Variants in NEXMIF observed in about 807,000 individuals in gnomAD.
NEXMIF encodes the protein neurite extension and migration factor, also known as XLMR protein related to neurite extension.
Under a neutral mutation model 62.1 loss-of-function variants are expected in NEXMIF, and 8 were observed. That is an observed-to-expected ratio of 0.13 (90% CI 0.08 to 0.23). NEXMIF has a LOEUF of 0.23. Among genes scored for constraint, NEXMIF ranks in the 10% least tolerant of loss-of-function variants. The pLI is 1.00. For missense variants in NEXMIF, 976 were observed against 1,113.3 expected (o/e 0.88, Z 1.75); for synonymous variants, 404 against 416.6 (o/e 0.97, Z 0.37).
chrX:74,892,117 T>C (rs1317685447), intron 1 of NEXMIF, among the ~76,000 whole-genome samples: 1 of 112,610 alleles, frequency 8.9e-6, no homozygotes, highest in Non-Finnish European at 1.9e-5. Context: ...AAAGCCTAAT[T>C]AGTTCTGTAA....
intron 1 of NEXMIF, 21 bp from the exon 2 acceptor site, chrX:74,745,718 A>G: frequency 1.5e-6 from 1 of 664,095 alleles, no homozygotes; most frequent in South Asian, 2.5e-5. Context: ...CAAATATATA[A>G]TATCAGTCAT....
intron 1 of NEXMIF, among the ~76,000 whole-genome samples, chrX:74,761,337 G>A (rs927104613): frequency 1.8e-5 from 2 of 111,545 alleles, no homozygotes; most frequent in African/African-American, 6.5e-5. Flanking sequence ...GCTGTGAATC[G>A]ACCTGGTCCT....
intron 1 of NEXMIF, among the ~76,000 whole-genome samples, chrX:74,862,452 A>G (rs2080561397): frequency 1.8e-5 from 2 of 110,586 alleles, no homozygotes; most frequent in African/African-American, 6.6e-5. Flanking sequence ...ATTAACAAAA[A>G]TTTTCAGGAC....
intron 1 of NEXMIF, among the ~76,000 whole-genome samples, chrX:74,836,854 T>C (rs2080458551): frequency 9.0e-6 from 1 of 111,134 alleles, no homozygotes. Context: ...AGCCCAGCAC[T>C]AAGGGCCACC....
chrX:74,777,940 C>T (rs2080233441), intron 1 of NEXMIF, among the ~76,000 whole-genome samples: 1 of 111,692 alleles, frequency 9.0e-6, no homozygotes, highest in South Asian at 3.8e-4. Context: ...CTGATGCCAA[C>T]CTATTGAATC....
intron 1 of NEXMIF, among the ~76,000 whole-genome samples, chrX:74,803,993 G>A (rs1010348993): frequency 4.5e-5 from 5 of 111,811 alleles, no homozygotes. Context: ...ATAATAGTAA[G>A]TATACAGAAA....
intron 1 of NEXMIF, among the ~76,000 whole-genome samples, chrX:74,885,378 A>T (rs1465287811): frequency 1.9e-4 from 21 of 111,802 alleles, no homozygotes; most frequent in African/African-American, 6.5e-4. Context: ...TGAAAAGATC[A>T]ACAAAATTGA....
At chrX:74,873,941 C>A (rs1270403800) in intron 1 of NEXMIF, among the ~76,000 whole-genome samples, 1 of 111,049 alleles carries the variant, frequency 9.0e-6, no homozygotes. Flanking sequence ...ATTTTGTAGG[C>A]TGCCTGTTCA....
At position 74,858,312 on chromosome X, in the gene NEXMIF, G is replaced by A. The variant is rs775673170; in HGVS notation, c.-48+66571C>T. ...CTCATCCCAAGCTCCAGGCAGCTCA[G>A]CACAGAAAGAGAGAGACTCCATTTG... On this transcript the variant is annotated intron_variant, in intron 1 of 3. Coordinates refer to ENST00000055682, the MANE Select transcript of NEXMIF (RefSeq NM_001008537.3). 1.0e-3 allele frequency among the ~76,000 whole-genome samples: 117 copies of A among 112,191 alleles called. 3 individuals are homozygous for A. The highest frequency in any genetic ancestry group is 3.6e-3 in the African/African-American group (112 of 30,909).
At chrX:74,879,315 TA>T (rs1201919111) in intron 1 of NEXMIF, among the ~76,000 whole-genome samples, 2 of 111,483 alleles carry the variant, frequency 1.8e-5, no homozygotes, top group African/African-American at 6.5e-5. Context: ...TGACAAACAT[TA>T]ATCTACACAT....
chrX:74,846,178 T>C (rs887881599), intron 1 of NEXMIF, among the ~76,000 whole-genome samples: 72 of 112,901 alleles, frequency 6.4e-4, no homozygotes, highest in African/African-American at 2.2e-3. Flanking sequence ...AGTGAAACCA[T>C]CTTTAATTTT....
rs150003638 is a variant in NEXMIF at position 74,762,014 on chromosome X, G to A, written c.-47-16317C>T. Among the ~76,000 whole-genome samples, 504 of 110,114 alleles carry A rather than the reference G, an allele frequency of 4.6e-3. 4 individuals carry two copies. The highest frequency in any genetic ancestry group is 0.015 in the African/African-American group (454 of 30,191). ...AAGTTCTAGGGTACATGTGCACAAC[G>A]TGCAGGTTTGTTACATATGTATACA... On this transcript the variant is annotated intron_variant, in intron 1 of 3. Coordinates refer to ENST00000055682, the MANE Select transcript of NEXMIF (RefSeq NM_001008537.3).
Position 74,744,022 on chromosome X carries a change from C to T in NEXMIF, c.535G>A (p.Val179Ile). Reference protein sequence around the residue: ...DLNRDYETCAVSDIGIQCINA... With the variant: ...DLNRDYETCAISDIGIQCINA... ...ATACACTGAATCCCTATATCAGAGACTGCACACGTTTCATAATCCCTATTT... is the reference window on the plus strand; with the variant it reads ...ATACACTGAATCCCTATATCAGAGATTGCACACGTTTCATAATCCCTATTT... Residue 179 changes from valine (V) to isoleucine (I), a missense_variant, in exon 3 of 4, where the codon GTC becomes ATC. Transcript: ENST00000055682. 1 of 1,210,089 alleles carries T rather than the reference C, an allele frequency of 8.3e-7. No individual in the cohort carries two copies. Among genetic ancestry groups the T allele is most frequent in the African/African-American group, 1.7e-5 (1 of 57,705 alleles).
intron 1 of NEXMIF, among the ~76,000 whole-genome samples, chrX:74,788,061 G>A (rs2080266559): frequency 8.9e-6 from 1 of 111,952 alleles, no homozygotes; most frequent in South Asian, 3.8e-4. Context: ...GAATGTGCCA[G>A]TATTTACTTG....
At chrX:74,844,550 G>A (rs1290545032) in intron 1 of NEXMIF, among the ~76,000 whole-genome samples, 1 of 111,171 alleles carries the variant, frequency 9.0e-6, no homozygotes, top group African/African-American at 3.3e-5. Context: ...CAACTCCCCT[G>A]GCGAGCCTCA....
At chrX:74,765,736 A>T (rs1001309583) in intron 1 of NEXMIF, among the ~76,000 whole-genome samples, 2 of 109,853 alleles carry the variant, frequency 1.8e-5, no homozygotes, top group Admixed American at 2.0e-4. Flanking sequence ...TTTCTTTAAG[A>T]ATGTTGAGAC....
intron 1 of NEXMIF, among the ~76,000 whole-genome samples, chrX:74,865,589 C>A (rs1387743149): frequency 2.7e-5 from 3 of 112,059 alleles, no homozygotes; most frequent in African/African-American, 9.7e-5. Flanking sequence ...GAAAACATCT[C>A]CAGGCCATGT....
intron 1 of NEXMIF, among the ~76,000 whole-genome samples, chrX:74,820,396 T>A (rs1252252846): frequency 9.0e-6 from 1 of 111,015 alleles, no homozygotes; most frequent in African/African-American, 3.3e-5. Context: ...AAAGCTTATA[T>A]ACTGTTGTTG....
chrX:74,852,765 G>A (rs772234382), intron 1 of NEXMIF, among the ~76,000 whole-genome samples: 22 of 111,074 alleles, frequency 2.0e-4, no homozygotes, highest in Non-Finnish European at 3.4e-4. Flanking sequence ...AAATGGAAAC[G>A]CAAGACACCA....
Sources: gnomAD v4.1 joint callset for allele counts (sites outside exome capture counted in the v4.1 genomes callset) on GRCh38, gnomAD v4.1.1 for gene constraint, MANE v1.5 for transcripts, NCBI Gene and HGNC (gene_info 2026-07-23, HGNC 2026-07-21) for gene names.